The following PALLD variants were observed in gnomAD, a reference collection of about 807,000 sequenced individuals.
PALLD encodes the protein palladin, cytoskeletal associated protein, also known as palladin.
A neutral mutation model predicts 123.5 loss-of-function variants in PALLD; 61 were observed. That is an observed-to-expected ratio of 0.49 (90% CI 0.40 to 0.61). The LOEUF is 0.61. Ranked by LOEUF, PALLD falls within the 20% of genes least tolerant of loss-of-function variation. The pLI is 0.00. For missense variants in PALLD, 1,273 were observed against 1,377.0 expected, an observed-to-expected ratio of 0.92 and a Z score of 1.20; for synonymous variants, 465 against 496.4, an observed-to-expected ratio of 0.94 and a Z score of 0.84.
intron 10 of PALLD, among the ~76,000 whole-genome samples, chr4:168,829,932 TA>T (rs908470784): frequency 1.3e-5 from 2 of 151,778 alleles, no homozygotes; most frequent in African/African-American, 2.4e-5. Context: ...ATTATTAGGT[TA>T]AAAAAAATAG....
At chr4:168,903,491 A>G (rs1756986014) in intron 14 of PALLD, among the ~76,000 whole-genome samples, 1 of 152,204 alleles carries the variant, frequency 6.6e-6, no homozygotes, top group African/African-American at 2.4e-5. Context: ...AATTCAATAT[A>G]TCCCTTCATA....
chr4:168,639,218 G>T (rs1776650198), intron 2 of PALLD, among the ~76,000 whole-genome samples: 1 of 152,322 alleles, frequency 6.6e-6, no homozygotes, highest in Non-Finnish European at 1.5e-5. Context: ...GAAAACCACA[G>T]AAGTCATTGC....
chr4:168,527,244 G>A (rs1352039540), intron 2 of PALLD, among the ~76,000 whole-genome samples: 1 of 152,030 alleles, frequency 6.6e-6, no homozygotes, highest in Non-Finnish European at 1.5e-5. Flanking sequence ...CCAACACGGA[G>A]AAACCCTGTC....
Position 168,503,945 on chromosome 4 carries a change from T to G in PALLD, c.-83+6751T>G, listed in dbSNP as rs571496971. Among the ~76,000 whole-genome samples the G allele has an allele frequency of 3.9e-5, 6 of 152,304 alleles. No individual in the cohort carries two copies. The East Asian group carries it at 1.2e-3, about 29-fold the overall frequency. On this transcript the variant is annotated intron_variant, in intron 1 of 21. Transcript: ENST00000505667. ...AACCAAAAGAGTGACGTGACACAATTTGTACCTATGATCTCTCTTACCATT... is the reference window on the plus strand; with the variant it reads ...AACCAAAAGAGTGACGTGACACAATGTGTACCTATGATCTCTCTTACCATT...
chr4:168,823,860 T>C (rs1471319740), intron 10 of PALLD, among the ~76,000 whole-genome samples: 1 of 152,190 alleles, frequency 6.6e-6, no homozygotes, highest in Non-Finnish European at 1.5e-5. Context: ...GTGTCTGTGT[T>C]CTCCAAAATG....
chr4:168,693,783 C>G (rs892410530), intron 8 of PALLD, among the ~76,000 whole-genome samples: 3 of 152,200 alleles, frequency 2.0e-5, no homozygotes, highest in Non-Finnish European at 2.9e-5. Context: ...CACGACGAGA[C>G]TTTCTTCTTT....
At chr4:168,640,809 T>A (rs949071234) in intron 2 of PALLD, among the ~76,000 whole-genome samples, 3 of 152,272 alleles carry the variant, frequency 2.0e-5, no homozygotes, top group Admixed American at 6.5e-5. Context: ...TTAGTACTTA[T>A]GTTTCCTGTC....
chr4:168,569,658 G>C (rs1270630632), intron 2 of PALLD, among the ~76,000 whole-genome samples: 2 of 152,140 alleles, frequency 1.3e-5, no homozygotes, highest in Non-Finnish European at 2.9e-5. Flanking sequence ...TAAGCAGGCT[G>C]CACGTTCTCT....
At chr4:168,552,476 C>A (rs1766840896) in intron 2 of PALLD, among the ~76,000 whole-genome samples, 1 of 152,120 alleles carries the variant, frequency 6.6e-6, no homozygotes, top group African/African-American at 2.4e-5. Flanking sequence ...ACTAACCTGC[C>A]AGCAACATCA....
chr4:168,567,578 T>A (rs1375519427), intron 2 of PALLD, among the ~76,000 whole-genome samples: 1 of 149,468 alleles, frequency 6.7e-6, no homozygotes, highest in East Asian at 1.9e-4. Context: ...TATGTAGATA[T>A]ATATATTATA....
chr4:168,925,166 A>T (rs944266222), intron 20 of PALLD, 67 bp from the exon 21 acceptor site: 4 of 1,582,264 alleles, frequency 2.5e-6, no homozygotes, highest in Non-Finnish European at 2.6e-6. Flanking sequence ...ATTACTCTTT[A>T]TAAACAACTA....
intron 2 of PALLD, among the ~76,000 whole-genome samples, chr4:168,582,992 A>T (rs967432413): frequency 2.6e-5 from 4 of 152,200 alleles, no homozygotes; most frequent in Non-Finnish European, 5.9e-5. Flanking sequence ...AAATTATTAG[A>T]GTTGATAATA....
chr4:168,638,420 C>G (rs902981000), intron 2 of PALLD, among the ~76,000 whole-genome samples: 1 of 152,190 alleles, frequency 6.6e-6, no homozygotes, highest in Non-Finnish European at 1.5e-5. Flanking sequence ...AGTTGATCTC[C>G]TGGCAGGCCT....
intron 10 of PALLD, among the ~76,000 whole-genome samples, chr4:168,781,789 C>T (rs1486500496): frequency 6.6e-6 from 1 of 152,156 alleles, no homozygotes; most frequent in Non-Finnish European, 1.5e-5. Flanking sequence ...CGGAACAAGA[C>T]TGGACCAAAC....
intron 8 of PALLD, among the ~76,000 whole-genome samples, chr4:168,699,819 T>C (rs1023347077): frequency 6.6e-6 from 1 of 152,106 alleles, no homozygotes; most frequent in Non-Finnish European, 1.5e-5. Flanking sequence ...TTAAATGCCC[T>C]CAAATCAAAA....
intron 10 of PALLD, among the ~76,000 whole-genome samples, chr4:168,811,126 A>T (rs1741052233): frequency 1.3e-5 from 2 of 152,206 alleles, no homozygotes; most frequent in African/African-American, 4.8e-5. Flanking sequence ...TCTTCCAAGG[A>T]ATCAACTTTG....
intron 10 of PALLD, among the ~76,000 whole-genome samples, chr4:168,741,220 C>T (rs887131246): frequency 2.0e-5 from 3 of 152,182 alleles, no homozygotes; most frequent in South Asian, 2.1e-4. Flanking sequence ...GAAGAAATTA[C>T]AGAGAATAGT....
chr4:168,878,225 C>G, intron 10 of PALLD: 1 of 1,520,434 alleles, frequency 6.6e-7, no homozygotes, highest in South Asian at 1.2e-5. Flanking sequence ...CCCACTGCCG[C>G]CGCCACCACC....
intron 15 of PALLD, among the ~76,000 whole-genome samples, chr4:168,908,349 A>G (rs897621054): frequency 6.6e-6 from 1 of 152,174 alleles, no homozygotes; most frequent in Non-Finnish European, 1.5e-5. Context: ...ATAAGTTACC[A>G]TTTGTTGCTG....
Sources: allele counts gnomAD v4.1 joint callset (sites outside exome capture counted in the v4.1 genomes callset), GRCh38; gene constraint gnomAD v4.1.1; transcripts MANE v1.5; gene names NCBI Gene and HGNC (gene_info 2026-07-23, HGNC 2026-07-21).